Variants in TRPC4 observed in about 807,000 individuals in gnomAD.
TRPC4 encodes the protein short transient receptor potential channel 4.
A neutral mutation model predicts 99.4 loss-of-function variants in TRPC4; 49 were observed. That is an observed-to-expected ratio of 0.49 (90% CI 0.39 to 0.63). TRPC4 has a LOEUF of 0.63. Ranked by LOEUF, TRPC4 falls within the 20% of genes least tolerant of loss-of-function variation. The pLI is 0.00. For missense variants in TRPC4, 898 were observed against 1,152.9 expected (o/e 0.78, Z 3.20); for synonymous variants, 454 against 425.9 (o/e 1.07, Z -0.81).
chr13:37,835,776 T>C (rs1184495070), intron 1 of TRPC4, among the ~76,000 whole-genome samples: 1 of 152,248 alleles, frequency 6.6e-6, no homozygotes, highest in East Asian at 1.9e-4. Context: ...TACAGCATAC[T>C]CGTATGCACA....
chr13:37,847,383 G>GA (rs1165161638), intron 1 of TRPC4, among the ~76,000 whole-genome samples: 1 of 151,882 alleles, frequency 6.6e-6, no homozygotes, highest in Admixed American at 6.6e-5. Flanking sequence ...TCAATAATAG[G>GA]AAAAAATCTA....
intron 10 of TRPC4, 34 bp from the exon 11 acceptor site, chr13:37,637,659 G>A (rs999139191): frequency 6.5e-7 from 1 of 1,533,202 alleles, no homozygotes; most frequent in Non-Finnish European, 8.7e-7. Context: ...ATTCGGTTAT[G>A]ACTTAAACAT....
intron 1 of TRPC4, among the ~76,000 whole-genome samples, chr13:37,794,018 A>C (rs1957187261): frequency 6.6e-6 from 1 of 152,172 alleles, no homozygotes; most frequent in Non-Finnish European, 1.5e-5. Context: ...TATTTAACAA[A>C]AATGTTCAGG....
At chr13:37,704,042 C>CTGT (rs1954188250) in intron 3 of TRPC4, among the ~76,000 whole-genome samples, 1 of 152,042 alleles carries the variant, frequency 6.6e-6, no homozygotes, top group Non-Finnish European at 1.5e-5. Flanking sequence ...AAGGAATGAA[C>CTGT]TGTTGTATTG....
chr13:37,742,739 T>C (rs573373859), intron 3 of TRPC4, among the ~76,000 whole-genome samples: 4 of 152,260 alleles, frequency 2.6e-5, no homozygotes, highest in African/African-American at 9.6e-5. Context: ...AGGAAAACTT[T>C]TGGTAAGAAA....
At chr13:37,820,998 TTC>T (rs769357983) in intron 1 of TRPC4, among the ~76,000 whole-genome samples, 1 of 151,958 alleles carries the variant, frequency 6.6e-6, no homozygotes, top group South Asian at 2.1e-4. Context: ...GTCAAACTAT[TTC>T]TGTTTGCAGA....
chr13:37,754,743 A>G (rs920361729), intron 2 of TRPC4, among the ~76,000 whole-genome samples: 4 of 152,146 alleles, frequency 2.6e-5, no homozygotes. Context: ...TTATAAATGT[A>G]TCTCTTCAAT....
chr13:37,710,352 A>G lies in TRPC4; in HGVS notation c.898-18017T>C, dbSNP rs557133273. On this transcript the variant is annotated intron_variant, in intron 3 of 10. Coordinates refer to ENST00000379705, the MANE Select transcript of TRPC4 (RefSeq NM_016179.4). Reference sequence around the variant, plus strand: ...TTAATACACAGAGTTTGAAGGATAAAGTAAATAGAGGAATGCACAAAACTT... The same window carrying G: ...TTAATACACAGAGTTTGAAGGATAAGGTAAATAGAGGAATGCACAAAACTT... 6.6e-5 allele frequency among the ~76,000 whole-genome samples: 10 copies of G among 152,026 alleles called. No individual in the cohort carries two copies. In the South Asian group the frequency reaches 2.1e-3, roughly 32 times the overall value.
At chr13:37,708,148 C>T (rs957023143) in intron 3 of TRPC4, among the ~76,000 whole-genome samples, 1 of 152,082 alleles carries the variant, frequency 6.6e-6, no homozygotes, top group South Asian at 2.1e-4. Flanking sequence ...CAATAATAAA[C>T]ATAATCCTAA....
intron 1 of TRPC4, among the ~76,000 whole-genome samples, chr13:37,799,867 T>G (rs780294120): frequency 6.6e-6 from 1 of 152,186 alleles, no homozygotes; most frequent in Non-Finnish European, 1.5e-5. Context: ...ATGTGTTGGT[T>G]TTGGAGCCAA....
In TRPC4 at chr13:37,864,798, AAACTAGGCACT is replaced by A. The variant is rs542389549; in HGVS notation, c.-28+4786_-28+4796del. On this transcript the variant is annotated intron_variant, in intron 1 of 10. Coordinates refer to ENST00000379705, the MANE Select transcript of TRPC4 (RefSeq NM_016179.4). ...GGTCATATTGGATTTAACTAGGCAC[AAACTAGGCACT>A]AACTAGGCACTAACTAGGCTTTAGT... Among the ~76,000 whole-genome samples, 88 of 151,826 alleles carry A rather than the reference AAACTAGGCACT, an allele frequency of 5.8e-4. 1 individual carries two copies. The highest frequency in any genetic ancestry group is 2.1e-3 in the African/African-American group (86 of 41,548).
At chr13:37,644,802 G>A (rs752114349) in intron 8 of TRPC4, among the ~76,000 whole-genome samples, 1 of 149,598 alleles carries the variant, frequency 6.7e-6, no homozygotes. Context: ...GAACCCGGGA[G>A]GTGGAGCCTG....
At chr13:37,676,822 A>G (rs1953072545) in intron 4 of TRPC4, among the ~76,000 whole-genome samples, 1 of 152,172 alleles carries the variant, frequency 6.6e-6, no homozygotes, top group African/African-American at 2.4e-5. Context: ...CTACACTAAA[A>G]GACATACTAA....
At chr13:37,785,280 T>G (rs554122591) in intron 1 of TRPC4, among the ~76,000 whole-genome samples, 13 of 152,102 alleles carry the variant, frequency 8.5e-5, no homozygotes, top group Non-Finnish European at 1.9e-4. Context: ...TGACACTCCC[T>G]TCCTTGGCAC....
intron 1 of TRPC4, among the ~76,000 whole-genome samples, chr13:37,830,699 C>A (rs946090413): frequency 1.4e-5 from 2 of 146,864 alleles, no homozygotes; most frequent in Non-Finnish European, 3.0e-5. Context: ...ACAACCAGAG[C>A]GAAATTCCGT....
chr13:37,819,642 G>C (rs374419043), intron 1 of TRPC4, among the ~76,000 whole-genome samples: 2 of 151,850 alleles, frequency 1.3e-5, no homozygotes. Context: ...GGCACATAGA[G>C]GGGAACAACA....
Position 37,745,860 on chromosome 13 carries a change from A to C in TRPC4, c.897+77T>G, listed in dbSNP as rs149354160. 9,892 of 1,509,928 alleles carry C rather than the reference A, an allele frequency of 6.6e-3. 941 individuals are homozygous for C. The Admixed American group carries it at 0.18, about 27-fold the overall frequency. The allele number at this position is 1,509,928 out of a possible 1,614,324, so 93.5% of individuals were successfully genotyped here. ...AGAAAATGCTCTAAAACCCAAAACTAATTTTGTGAGTAGCAGTTTGCTTCA... is the reference window on the plus strand; with the variant it reads ...AGAAAATGCTCTAAAACCCAAAACTCATTTTGTGAGTAGCAGTTTGCTTCA... On this transcript the variant is annotated intron_variant, in intron 3 of 10. Coordinates refer to ENST00000379705, the MANE Select transcript of TRPC4 (RefSeq NM_016179.4).
chr13:37,761,636 G>C (rs1198325105), intron 2 of TRPC4, among the ~76,000 whole-genome samples: 1 of 151,884 alleles, frequency 6.6e-6, no homozygotes, highest in African/African-American at 2.4e-5. Flanking sequence ...TAGGGCTGTG[G>C]TGAAGATTAA....
At chr13:37,764,649 T>G (rs73168481) in intron 2 of TRPC4, among the ~76,000 whole-genome samples, 15,147 of 151,410 alleles carry the variant, frequency 0.1, 1,110 homozygotes, top group African/African-American at 0.21. Flanking sequence ...ATGAATGTTT[T>G]TAATATTTCA....
Sources: allele counts gnomAD v4.1 joint callset (sites outside exome capture counted in the v4.1 genomes callset), GRCh38; gene constraint gnomAD v4.1.1; transcripts MANE v1.5; gene names NCBI Gene and HGNC (gene_info 2026-07-23, HGNC 2026-07-21).